DDHD1: variants seen among roughly 807,000 people sequenced by gnomAD.
DDHD1 encodes phospholipase DDHD1.
A neutral mutation model predicts 96.4 loss-of-function variants in DDHD1; 49 were observed. The observed-to-expected ratio is 0.51, with a 90% confidence interval of 0.40 to 0.64. The LOEUF is 0.64. DDHD1 is among the 30% of genes least tolerant of loss of function. The probability of loss-of-function intolerance (pLI) is 0.00; values close to 1 mark genes in which losing one functional copy is unlikely to be tolerated. For synonymous variants in DDHD1, 442 were observed against 446.5 expected (o/e 0.99, Z 0.13); for missense variants, 1,106 against 1,161.2 (o/e 0.95, Z 0.69).
At position 53,040,774 on chromosome 14, in the gene DDHD1, C is replaced by T. The variant is rs1595067692; in HGVS notation, c.*5994G>A. 6.6e-6 allele frequency: 1 copy of T among 152,116 alleles called. No homozygotes were observed. The highest frequency in any genetic ancestry group is 1.9e-4 in the East Asian group (1 of 5,170). 9.4% of individuals were successfully genotyped at this position (152,116 alleles called of 1,614,324 possible). On this transcript the variant is annotated 3_prime_UTR_variant, in exon 13 of 13. Coordinates refer to ENST00000673822, the MANE Select transcript of DDHD1 (RefSeq NM_001160148.2). The stretch of plus-strand genomic sequence containing the variant: ...AGAGGTAACAAAGGAAAAGAAAAAG[C>T]CTGCCTTCAAAGAGTTGTGATTGCA...
Position 53,055,865 on chromosome 14 carries a change from T to A in DDHD1, c.2040A>T (p.Ser680=). The A allele has an allele frequency of 6.2e-7, 1 of 1,613,664 alleles. No individual in the cohort carries two copies. The highest frequency in any genetic ancestry group is 8.5e-7 in the Non-Finnish European group (1 of 1,179,746). ...TATTGTACCAGTGGATCTGGACAGG[T>A]GAAATGTTGCTGTAGTGTTTCAGTA... is the stretch of plus-strand genomic sequence containing the variant. The part of the protein sequence containing the change: ...PLILKHYSNI[S]PVQIHWYNTS... The change falls in exon 10 of 13, where the codon TCA becomes TCT. Residue 680 remains serine, a synonymous_variant. Coordinates refer to ENST00000673822, the MANE Select transcript of DDHD1 (RefSeq NM_001160148.2).
chr14:53,134,831 G>T (rs1890114913), intron 1 of DDHD1, among the ~76,000 whole-genome samples: 1 of 151,886 alleles, frequency 6.6e-6, no homozygotes, highest in Non-Finnish European at 1.5e-5. Context: ...TTCAGACCTT[G>T]TATCTTCCAT....
At position 53,046,887 on chromosome 14, in the gene DDHD1, A is replaced by G. The variant is rs112753891; in HGVS notation, c.2584T>C (p.Ser862Pro). The G allele has an allele frequency of 6.2e-7, 1 of 1,613,766 alleles. No homozygotes were observed. The highest frequency in any genetic ancestry group is 8.5e-7 in the Non-Finnish European group (1 of 1,179,812). ...REGLVESRYW[S>P]AVTSHTAYWS... The stretch of plus-strand genomic sequence containing the variant: ...TAGGCAGTATGCGACGTGACAGCTG[A>G]CCAATAGCGGCTCTCCACAAGGCCT... The change falls in exon 13 of 13, where the codon TCA becomes CCA. Residue 862 changes from serine to proline, a missense_variant. By Grantham distance (74) the Ser-to-Pro change is moderately conservative. Transcript: ENST00000673822.
intron 1 of DDHD1, among the ~76,000 whole-genome samples, chr14:53,151,269 G>A (rs1457571174): frequency 6.6e-6 from 1 of 152,190 alleles, no homozygotes; most frequent in African/African-American, 2.4e-5. Context: ...CACAATCAAT[G>A]AAGACATCTA....
intron 1 of DDHD1, among the ~76,000 whole-genome samples, chr14:53,117,121 A>G (rs1175000446): frequency 6.6e-6 from 1 of 152,196 alleles, no homozygotes; most frequent in Non-Finnish European, 1.5e-5. Flanking sequence ...ATCAGATAAT[A>G]CCATAAACAC....
In DDHD1 at chr14:53,145,058, G is replaced by A. The variant is rs147253046; in HGVS notation, c.838+7203C>T. ...CCAGGTACTTGGGAGGCTGAGGAAC[G>A]AGAATTTTTTGAACCTGGGAGGTGG... On this transcript the variant is annotated intron_variant, in intron 1 of 12. Coordinates refer to ENST00000673822, the MANE Select transcript of DDHD1 (RefSeq NM_001160148.2). Among the ~76,000 whole-genome samples, 609 of 152,314 alleles carry A rather than the reference G, an allele frequency of 4.0e-3. 10 individuals are homozygous for A. The East Asian group carries it at 0.044, about 11-fold the overall frequency.
intron 12 of DDHD1, 87 bp from the exon 13 acceptor site, chr14:53,047,036 T>C (rs1882070209): frequency 9.3e-7 from 1 of 1,075,166 alleles, no homozygotes; most frequent in Admixed American, 3.6e-5. Context: ...AGTAAAAATT[T>C]AGCTAAATAG....
intron 6 of DDHD1, among the ~76,000 whole-genome samples, chr14:53,067,987 T>C (rs921147853): frequency 2.0e-5 from 3 of 152,166 alleles, no homozygotes; most frequent in African/African-American, 7.2e-5. Context: ...AATTCTTCAT[T>C]GTATATTTTC....
At chr14:53,079,831 A>G (rs569456406) in intron 4 of DDHD1, among the ~76,000 whole-genome samples, 1 of 152,318 alleles carries the variant, frequency 6.6e-6, no homozygotes, top group Non-Finnish European at 1.5e-5. Context: ...GTGATGCTGC[A>G]ATCAAAAGCC....
intron 4 of DDHD1, among the ~76,000 whole-genome samples, chr14:53,083,567 A>C (rs1407633309): frequency 6.6e-6 from 1 of 152,218 alleles, no homozygotes; most frequent in African/African-American, 2.4e-5. Flanking sequence ...TTGCTAAAAT[A>C]AGGTTAAGAG....
intron 1 of DDHD1, among the ~76,000 whole-genome samples, chr14:53,145,502 CA>C (rs34747977): frequency 0.041 from 2,523 of 61,684 alleles, 22 homozygotes; most frequent in African/African-American, 0.096. Context: ...AACCTTGTCT[CA>C]AAAAAAAAAA....
intron 6 of DDHD1, among the ~76,000 whole-genome samples, chr14:53,067,059 T>C (rs1884084643): frequency 6.6e-6 from 1 of 151,730 alleles, no homozygotes; most frequent in African/African-American, 2.4e-5. Flanking sequence ...CCCAGGATAG[T>C]ATCAAGTAGG....
chr14:53,079,640 T>C (rs1248974967), intron 4 of DDHD1, among the ~76,000 whole-genome samples: 1 of 152,244 alleles, frequency 6.6e-6, no homozygotes. Context: ...TTTTAGTAAT[T>C]TGAATCTTTT....
chr14:53,136,106 C>T (rs1191008049), intron 1 of DDHD1, among the ~76,000 whole-genome samples: 1 of 152,134 alleles, frequency 6.6e-6, no homozygotes, highest in Non-Finnish European at 1.5e-5. Flanking sequence ...TTGTAATCTC[C>T]CCACCCTTGA....
chr14:53,128,375 G>T (rs1026138986), intron 1 of DDHD1, among the ~76,000 whole-genome samples: 2 of 152,200 alleles, frequency 1.3e-5, no homozygotes, highest in African/African-American at 4.8e-5. Context: ...CCAAGTCTAA[G>T]ATCAAGGCAC....
rs143543874 is a variant in DDHD1, at chr14:53,107,713, C to T, written c.839-3857G>A. Reference sequence around the variant, plus strand: ...GGCTGAGGCAGGAGAATCACTTGAACCCGGGAGGCGGAGGTTGCAGTGAGC... The same window carrying T: ...GGCTGAGGCAGGAGAATCACTTGAATCCGGGAGGCGGAGGTTGCAGTGAGC... On this transcript the variant is annotated intron_variant, in intron 1 of 12. Coordinates refer to ENST00000673822, the MANE Select transcript of DDHD1 (RefSeq NM_001160148.2). Among the ~76,000 whole-genome samples, 2,678 of 152,210 alleles carry T rather than the reference C, an allele frequency of 0.018. 195 individuals carry two copies. In the East Asian group the frequency reaches 0.23, roughly 13 times the overall value.
intron 1 of DDHD1, among the ~76,000 whole-genome samples, chr14:53,146,886 A>C (rs1891022789): frequency 6.6e-6 from 1 of 151,954 alleles, no homozygotes; most frequent in Non-Finnish European, 1.5e-5. Flanking sequence ...ATTGTGGAAA[A>C]ACAGAAGGGA....
At chr14:53,082,112 TCAGA>T (rs1885518461) in intron 4 of DDHD1, among the ~76,000 whole-genome samples, 1 of 152,184 alleles carries the variant, frequency 6.6e-6, no homozygotes, top group Non-Finnish European at 1.5e-5. Flanking sequence ...ATACTATACC[TCAGA>T]CAATGACCCA....
intron 1 of DDHD1, among the ~76,000 whole-genome samples, chr14:53,104,130 T>C (rs1887516730): frequency 6.6e-6 from 1 of 152,172 alleles, no homozygotes; most frequent in African/African-American, 2.4e-5. Flanking sequence ...GATGTGGTTT[T>C]GCCGTGTTGC....
Sources: allele counts gnomAD v4.1 joint callset (sites outside exome capture counted in the v4.1 genomes callset), GRCh38; gene constraint gnomAD v4.1.1; transcripts MANE v1.5; gene names NCBI Gene and HGNC (gene_info 2026-07-23, HGNC 2026-07-21).